The following ABCA9 variants were observed in gnomAD, a reference collection of about 807,000 sequenced individuals.
ABCA9 encodes ATP-binding cassette sub-family A member 9.
A neutral mutation model predicts 205.3 loss-of-function variants in ABCA9; 183 were observed. The ratio of observed to expected loss-of-function variants is 0.89; its 90% CI spans 0.79 to 1.01. The LOEUF is 1.01. Among genes scored for constraint, ABCA9 ranks in the 50% least tolerant of loss-of-function variants. The pLI is 0.00. For missense variants in ABCA9, 1,805 were observed against 1,912.4 expected, an observed-to-expected ratio of 0.94 and a Z score of 1.05; for synonymous variants, 651 against 683.3, an observed-to-expected ratio of 0.95 and a Z score of 0.74.
Position 68,986,201 on chromosome 17 carries a change from C to T in ABCA9, c.4171G>A (p.Gly1391Ser), listed in dbSNP as rs191524893. The T allele has an allele frequency of 2.0e-5, 32 of 1,613,180 alleles. No individual in the cohort carries two copies. Among genetic ancestry groups the T allele is most frequent in the Non-Finnish European group, 2.5e-5 (30 of 1,179,552 alleles). Residue 1391 changes from glycine (G) to serine (S), a missense_variant, in exon 32 of 39, where the codon GGT (glycine) becomes AGT (serine). By Grantham distance (56) the Gly-to-Ser change is moderately conservative (BLOSUM62 0). Transcript: ENST00000340001. ...ATCATTGCGTCCCCTTTCCTGAGAC[C>T]TTTCACGGCAGCGTACACCTCCAGG... is the stretch of plus-strand genomic sequence containing the variant. ...QHLEVYAAVK[G>S]LRKGDAMIAI...
At chr17:69,016,677 C>A (rs2070628022) in intron 21 of ABCA9, among the ~76,000 whole-genome samples, 1 of 152,108 alleles carries the variant, frequency 6.6e-6, no homozygotes, top group Non-Finnish European at 1.5e-5. Flanking sequence ...CTACGAAACT[C>A]CATAGTGCAA....
At chr17:69,043,214 A>T (rs1005474347) in intron 6 of ABCA9, 3 of 318,626 alleles carry the variant, frequency 9.4e-6, no homozygotes, top group African/African-American at 6.4e-5. Flanking sequence ...TTCACAATAG[A>T]GTTTGAGCTT....
chr17:69,012,367 G>A (rs141931865), intron 22 of ABCA9: 7 of 280,550 alleles, frequency 2.5e-5, no homozygotes, highest in Non-Finnish European at 4.0e-5. Flanking sequence ...GGCATGAAAC[G>A]TCTTTTCTCT....
chr17:69,018,340 C>T, intron 20 of ABCA9, 73 bp downstream of exon 20: 1 of 1,289,166 alleles, frequency 7.8e-7, no homozygotes, highest in Non-Finnish European at 1.0e-6. Context: ...TTTTTCTTGG[C>T]TGTTCATGTT....
intron 22 of ABCA9, 130 bp downstream of exon 22, chr17:69,016,123 T>TATAC (rs1270372994): frequency 2.2e-3 from 231 of 106,894 alleles, no homozygotes; most frequent in East Asian, 5.8e-3. Flanking sequence ...TATATATATA[T>TATAC]ACACACACAC....
the ABCA9 span, among the ~76,000 whole-genome samples, chr17:69,074,291 T>C: frequency 6.6e-6 from 1 of 152,222 alleles, no homozygotes; most frequent in Admixed American, 6.5e-5. Flanking sequence ...AGGAGATACA[T>C]GTGAAGGTTT....
At chr17:68,987,956 G>A (rs140083522) in intron 31 of ABCA9, among the ~76,000 whole-genome samples, 4 of 152,136 alleles carry the variant, frequency 2.6e-5, no homozygotes, top group African/African-American at 9.7e-5. Context: ...TAGAGATGGT[G>A]CTTCTCCATG....
chr17:68,983,053 A>G (rs368377901), intron 36 of ABCA9, among the ~76,000 whole-genome samples: 3 of 152,122 alleles, frequency 2.0e-5, no homozygotes, highest in Admixed American at 6.5e-5. Context: ...ATCGTCAACA[A>G]TCTGTCTAAA....
chr17:69,058,136 A>T (rs1252441614), intron 1 of ABCA9, among the ~76,000 whole-genome samples: 1 of 152,194 alleles, frequency 6.6e-6, no homozygotes, highest in Non-Finnish European at 1.5e-5. Context: ...CTCACCCAGG[A>T]AATGATTCAA....
At chr17:69,020,359 A>C in intron 19 of ABCA9, 29 bp downstream of exon 19, 1 of 1,567,030 alleles carries the variant, frequency 6.4e-7, no homozygotes, top group South Asian at 1.2e-5. Context: ...TTCACAGACA[A>C]AACAAATCTG....
chr17:69,017,976 T>G (rs2070682777), intron 20 of ABCA9, 187 bp from the exon 21 acceptor site: 5 of 569,710 alleles, frequency 8.8e-6, no homozygotes, highest in Non-Finnish European at 1.2e-5. Context: ...CAAGGTTACT[T>G]TATCTAGAGC....
In ABCA9 at chr17:68,984,878, A is replaced by C. The variant is rs75215219; in HGVS notation, c.4379+7T>G. 5.9e-4 allele frequency: 952 copies of C among 1,614,084 alleles called. 11 individuals carry two copies. In the East Asian group the frequency reaches 0.019, roughly 32 times the overall value. ...TCATGCAGAGGTTGCTCATGATAGC[A>C]CCTCACCACATTTGCTGCTGCCCCT... is the stretch of plus-strand genomic sequence containing the variant. On this transcript the variant is annotated splice_region_variant and intron_variant, in intron 34 of 38. Transcript: ENST00000340001.
At position 68,989,873 on chromosome 17, in the gene ABCA9, A is replaced by G. The variant is rs773369326; in HGVS notation, c.3895T>C (p.Cys1299Arg). ...RKEYAGKKKNCFSKRKKKIAT... is the reference protein window; with the variant it reads ...RKEYAGKKKNRFSKRKKKIAT... ...ATTTTTTTCTTCCTTTTAGAAAAGCAATTTTTCTTTTTGCCTGCATATTCC... is the reference window on the plus strand; with the variant it reads ...ATTTTTTTCTTCCTTTTAGAAAAGCGATTTTTCTTTTTGCCTGCATATTCC... The change falls in exon 30 of 39, where the codon TGC (cysteine) becomes CGC (arginine). Residue 1299 changes from cysteine (C) to arginine (R), a missense_variant. Physicochemically the swap from Cys to Arg is radical, Grantham distance 180. Transcript: ENST00000340001. 6.2e-7 allele frequency: 1 copy of G among 1,613,568 alleles called. No homozygotes were observed. The highest frequency in any genetic ancestry group is 8.5e-7 in the Non-Finnish European group (1 of 1,179,658).
chr17:69,077,976 A>C, the ABCA9 span, among the ~76,000 whole-genome samples: 1 of 152,134 alleles, frequency 6.6e-6, no homozygotes, highest in Non-Finnish European at 1.5e-5. Context: ...GATTTTAAAA[A>C]ATATCAAATC....
chr17:68,985,832 C>A (rs2069215352), intron 32 of ABCA9, among the ~76,000 whole-genome samples: 1 of 152,070 alleles, frequency 6.6e-6, no homozygotes, highest in South Asian at 2.1e-4. Flanking sequence ...TGGCGGGTGC[C>A]TGTAATCCCA....
At position 69,016,262 on chromosome 17, in the gene ABCA9, T is replaced by C; in HGVS notation, c.3030A>G (p.Thr1010=). The change falls in exon 22 of 39, where the codon ACA becomes ACG. Residue 1010 remains threonine (T), a synonymous_variant. Coordinates refer to ENST00000340001, the MANE Select transcript of ABCA9 (RefSeq NM_080283.4). ...ATATAATTATACTTACTTCAAAAAATGTGCTTCTGTCAGTCTGAATGTGTT... is the reference window on the plus strand; with the variant it reads ...ATATAATTATACTTACTTCAAAAAACGTGCTTCTGTCAGTCTGAATGTGTT... The part of the protein sequence containing the change: ...SSEHIQTDRS[T]FFEEHMDYEY... 6.4e-7 allele frequency: 1 copy of C among 1,573,740 alleles called. No homozygotes were observed. The highest frequency in any genetic ancestry group is 1.4e-5 in the African/African-American group (1 of 72,224).
chr17:69,000,388 T>C (rs544613448), intron 25 of ABCA9, among the ~76,000 whole-genome samples: 1 of 152,044 alleles, frequency 6.6e-6, no homozygotes, highest in African/African-American at 2.4e-5. Flanking sequence ...TAGGGAATCC[T>C]TTCCCCATTG....
At chr17:68,989,266 A>T (rs112691395) in intron 30 of ABCA9, 148 bp from the exon 31 acceptor site, 12,585 of 489,764 alleles carry the variant, frequency 0.026, 574 homozygotes, top group African/African-American at 0.13. Flanking sequence ...TCACACACAC[A>T]CACACACACA....
chr17:69,000,387 C>T (rs1346033439), intron 25 of ABCA9, among the ~76,000 whole-genome samples: 8 of 151,878 alleles, frequency 5.3e-5, no homozygotes, highest in Non-Finnish European at 7.4e-5. Context: ...ATAGGGAATC[C>T]TTTCCCCATT....
Sources: gnomAD v4.1 joint callset for allele counts (sites outside exome capture counted in the v4.1 genomes callset) on GRCh38, gnomAD v4.1.1 for gene constraint, MANE v1.5 for transcripts, NCBI Gene and HGNC (gene_info 2026-07-23, HGNC 2026-07-21) for gene names.